CGGBP1: variants seen among roughly 807,000 people sequenced by gnomAD.
CGGBP1 encodes CGG triplet repeat binding protein 1.
A neutral mutation model predicts 11.4 loss-of-function variants in CGGBP1; 4 were observed. The observed-to-expected ratio is 0.35, with a 90% CI of 0.17 to 0.80. CGGBP1 has a LOEUF of 0.80. Ranked by LOEUF, CGGBP1 falls within the 30% of genes least tolerant of loss-of-function variation. The pLI, the probability that CGGBP1 is intolerant of heterozygous loss-of-function variation, is 0.52. For synonymous variants in CGGBP1, 76 were observed against 74.1 expected, an observed-to-expected ratio of 1.03 and a Z score of -0.13; for missense variants, 135 against 202.1, an observed-to-expected ratio of 0.67 and a Z score of 2.01.
At chr3:88,087,351 A>G (rs559050991) in intron 2 of CGGBP1, among the ~76,000 whole-genome samples, 3 of 152,342 alleles carry the variant, frequency 2.0e-5, no homozygotes, top group South Asian at 4.1e-4. Context: ...CTGGGATTAC[A>G]GGCGTGAGCT....
At chr3:88,100,685 C>A (rs1260049030) in intron 2 of CGGBP1, among the ~76,000 whole-genome samples, 2 of 152,146 alleles carry the variant, frequency 1.3e-5, no homozygotes, top group African/African-American at 2.4e-5. Flanking sequence ...TGGAAACCAT[C>A]ATTCTCAGCA....
chr3:88,106,785 TC>T (rs1200786241), intron 2 of CGGBP1, among the ~76,000 whole-genome samples: 9 of 152,346 alleles, frequency 5.9e-5, no homozygotes, highest in African/African-American at 1.9e-4. Flanking sequence ...TAAACATTTC[TC>T]AGTAACCAAG....
chr3:88,095,875 G>T (rs781606988), intron 2 of CGGBP1: 9 of 447,900 alleles, frequency 2.0e-5, no homozygotes, highest in East Asian at 6.3e-5. Flanking sequence ...TACTCCACTT[G>T]CCACTTAACC....
At chr3:88,140,138 C>T (rs746078281) in intron 2 of CGGBP1, 37 of 1,613,694 alleles carry the variant, frequency 2.3e-5, no homozygotes, top group South Asian at 3.3e-5. Flanking sequence ...TTAATTGCAA[C>T]GAGTCGTTTA....
intron 2 of CGGBP1, among the ~76,000 whole-genome samples, chr3:88,112,211 A>T (rs1301780409): frequency 6.6e-6 from 1 of 151,820 alleles, no homozygotes; most frequent in East Asian, 1.9e-4. Flanking sequence ...ATATAATTTT[A>T]AAAGCATATA....
intron 2 of CGGBP1, among the ~76,000 whole-genome samples, chr3:88,110,111 C>T (rs1704999082): frequency 6.6e-6 from 1 of 152,090 alleles, no homozygotes; most frequent in Non-Finnish European, 1.5e-5. Context: ...TATTAATCAG[C>T]AAATACCTAT....
At chr3:88,059,282 G>C (rs767076219), upstream of CGGBP1, 3 of 1,532,720 alleles carry the variant, frequency 2.0e-6, no homozygotes, top group South Asian at 3.6e-5. Context: ...CGGCGGCGGC[G>C]GCGCAGGGGC....
intron 1 of CGGBP1, chr3:88,141,716 G>T: frequency 7.7e-7 from 1 of 1,305,278 alleles, no homozygotes; most frequent in South Asian, 1.8e-5. Context: ...ATAAGAAAAT[G>T]CATCATCAGT....
chr3:88,121,772 A>G (rs148203679), intron 2 of CGGBP1, among the ~76,000 whole-genome samples: 34 of 152,314 alleles, frequency 2.2e-4, no homozygotes, highest in Non-Finnish European at 4.6e-4. Context: ...AATATTAACC[A>G]TATTGAAGAC....
chr3:88,129,773 C>G, intron 2 of CGGBP1: 1 of 1,527,822 alleles, frequency 6.5e-7, no homozygotes, highest in Non-Finnish European at 8.8e-7. Context: ...CCTTGCAACT[C>G]TGTGAATCCT....
At chr3:88,123,645 A>G (rs1204320855) in intron 2 of CGGBP1, among the ~76,000 whole-genome samples, 1 of 152,158 alleles carries the variant, frequency 6.6e-6, no homozygotes, top group Non-Finnish European at 1.5e-5. Flanking sequence ...CAACTTCAGG[A>G]AGTTGGAAAT....
chr3:88,108,351 A>C (rs1212738075), intron 2 of CGGBP1, among the ~76,000 whole-genome samples: 1 of 152,128 alleles, frequency 6.6e-6, no homozygotes, highest in East Asian at 1.9e-4. Flanking sequence ...AATTGTTTTC[A>C]GAGGGAGAAT....
intron 2 of CGGBP1, among the ~76,000 whole-genome samples, chr3:88,109,730 T>C (rs369772245): frequency 1.1e-3 from 160 of 152,308 alleles, no homozygotes; most frequent in Non-Finnish European, 1.7e-3. Context: ...TCAATTTAGG[T>C]AAGTGAACTG....
chr3:88,082,493 C>T (rs1708132065), intron 2 of CGGBP1, among the ~76,000 whole-genome samples: 1 of 152,266 alleles, frequency 6.6e-6, no homozygotes, highest in South Asian at 2.1e-4. Context: ...TAGTGAACAG[C>T]TTGAATGACA....
In CGGBP1 at chr3:88,057,271, G is replaced by T. The variant is rs1706568233; in HGVS notation, c.-104C>A. The T allele has an allele frequency of 6.6e-6, 1 of 151,780 alleles. No homozygotes were observed. Among genetic ancestry groups the T allele is most frequent in the African/African-American group, 2.4e-5 (1 of 41,308 alleles). The allele number at this position is 151,780 out of a possible 1,614,324, so 9.4% of individuals were successfully genotyped here. A position where few individuals can be genotyped will look rare whatever the true frequency, so the allele number is the denominator to read the frequency against. On this transcript the variant is annotated 5_prime_UTR_variant, in exon 3 of 4. Transcript: ENST00000482016. ...GTATCAGACAGTCATGGATCCAGAA[G>T]ATTAAACATTCCACAGAAATTCTGA...
intron 2 of CGGBP1, among the ~76,000 whole-genome samples, chr3:88,082,731 G>A (rs1257216177): frequency 6.6e-6 from 1 of 152,110 alleles, no homozygotes; most frequent in Non-Finnish European, 1.5e-5. Context: ...AAAAAGGAGA[G>A]CTCAATTAAG....
intron 2 of CGGBP1, among the ~76,000 whole-genome samples, chr3:88,084,900 A>C (rs1344453376): frequency 6.6e-6 from 1 of 152,116 alleles, no homozygotes; most frequent in Non-Finnish European, 1.5e-5. Flanking sequence ...AGTTTAAGGA[A>C]CGCTAATCTT....
chr3:88,077,684 T>G (rs1351194966), intron 2 of CGGBP1, among the ~76,000 whole-genome samples: 1 of 55,316 alleles, frequency 1.8e-5, no homozygotes, highest in Non-Finnish European at 5.4e-5. Context: ...TGAAACATGC[T>G]GTAATACTTA....
chr3:88,080,219 G>A (rs562300176), intron 2 of CGGBP1, among the ~76,000 whole-genome samples: 2 of 152,220 alleles, frequency 1.3e-5, no homozygotes, highest in East Asian at 3.9e-4. Context: ...TTATTTAGGA[G>A]TGAACTGTTT....
Sources: gnomAD v4.1 joint callset for allele counts (sites outside exome capture counted in the v4.1 genomes callset) on GRCh38, gnomAD v4.1.1 for gene constraint, MANE v1.5 for transcripts, NCBI Gene and HGNC (gene_info 2026-07-23, HGNC 2026-07-21) for gene names.